Variants in HMGXB3 observed in about 807,000 individuals in gnomAD.
HMGXB3 encodes HMG-box containing 3, also known as HMG domain-containing protein 3.
HMGXB3 carries 45 observed loss-of-function variants against 121.5 expected under a neutral mutation model. That is an observed-to-expected ratio of 0.37 (90% CI 0.29 to 0.47). HMGXB3 has a LOEUF of 0.47. Among genes scored for constraint, HMGXB3 ranks in the 20% least tolerant of loss-of-function variants. HMGXB3 has a pLI of 0.99. For synonymous variants in HMGXB3, 590 were observed against 624.1 expected, an observed-to-expected ratio of 0.95 and a Z score of 0.81; for missense variants, 1,376 against 1,602.2, an observed-to-expected ratio of 0.86 and a Z score of 2.41.
chr5:150,025,815 C>T (rs542153640), intron 7 of HMGXB3, among the ~76,000 whole-genome samples: 8 of 152,002 alleles, frequency 5.3e-5, no homozygotes, highest in African/African-American at 9.7e-5. Flanking sequence ...TCAGGTGATC[C>T]GCCCGCCTTG....
chr5:150,017,413 C>G (rs1244547516), intron 5 of HMGXB3, among the ~76,000 whole-genome samples: 1 of 152,206 alleles, frequency 6.6e-6, no homozygotes, highest in Non-Finnish European at 1.5e-5. Context: ...TTTCTTATCT[C>G]ACTTTCTCAG....
At chr5:150,011,604 G>GTTT (rs35010665) in intron 4 of HMGXB3, among the ~76,000 whole-genome samples, 4 of 132,660 alleles carry the variant, frequency 3.0e-5, no homozygotes, top group Non-Finnish European at 6.5e-5. Context: ...TTTTTTTTTG[G>GTTT]TTTTTTTTTT....
At chr5:150,040,350 G>A (rs1561881193) in intron 13 of HMGXB3, among the ~76,000 whole-genome samples, 1 of 152,106 alleles carries the variant, frequency 6.6e-6, no homozygotes, top group African/African-American at 2.4e-5. Flanking sequence ...TTTCCCTATT[G>A]ATGGGCATTT....
chr5:150,021,243 C>T (rs1756085265), intron 6 of HMGXB3, among the ~76,000 whole-genome samples: 2 of 152,164 alleles, frequency 1.3e-5, no homozygotes. Context: ...TAACATTTTA[C>T]CATCAGTGCA....
chr5:150,024,595 A>G lies in HMGXB3; in HGVS notation c.1375A>G (p.Asn459Asp). 1 of 1,551,762 alleles carries G rather than the reference A, an allele frequency of 6.4e-7. No individual in the cohort carries two copies. Among genetic ancestry groups the G allele is most frequent in the Non-Finnish European group, 8.7e-7 (1 of 1,147,002 alleles). Residue 459 changes from asparagine to aspartate, a missense_variant, in exon 7 of 20, where the codon AAT becomes GAT. Coordinates refer to ENST00000502717, the MANE Select transcript of HMGXB3 (RefSeq NM_014983.3). ...TGAGGTCACTCTGGGGACAACTGAC[A>G]ATGACAGTCCTGGAGCAGACGTACC... Reference protein sequence around the residue: ...QPEVTLGTTDNDSPGADVPTP... With the variant: ...QPEVTLGTTDDDSPGADVPTP...
At chr5:150,019,758 C>T (rs887763391) in intron 6 of HMGXB3, among the ~76,000 whole-genome samples, 3 of 152,176 alleles carry the variant, frequency 2.0e-5, no homozygotes, top group Non-Finnish European at 4.4e-5. Context: ...ACATGTTTAA[C>T]TCAGCATGGT....
In HMGXB3 at chr5:150,052,289, T is replaced by C; in HGVS notation, c.*97T>C. On this transcript the variant is annotated 3_prime_UTR_variant, in exon 20 of 20. Coordinates refer to ENST00000502717, the MANE Select transcript of HMGXB3 (RefSeq NM_014983.3). The stretch of plus-strand genomic sequence containing the variant: ...CAGGGGACCTGCAGAAGTGGTCTCC[T>C]GTGGGGAGGGCCTCTGACTGCTGGG... 1.0e-6 allele frequency: 1 copy of C among 975,766 alleles called. No individual in the cohort carries two copies. Among genetic ancestry groups the C allele is most frequent in the East Asian group, 2.6e-5 (1 of 37,976 alleles). 60.4% of individuals were successfully genotyped at this position (975,766 alleles called of 1,614,324 possible).
intron 1 of HMGXB3, among the ~76,000 whole-genome samples, chr5:150,001,811 G>A (rs1561843148): frequency 6.6e-6 from 1 of 152,182 alleles, no homozygotes; most frequent in Non-Finnish European, 1.5e-5. Context: ...TGTAATGAGT[G>A]TTTCCTAACC....
chr5:150,020,271 T>A (rs1234819460), intron 6 of HMGXB3, among the ~76,000 whole-genome samples: 1 of 152,228 alleles, frequency 6.6e-6, no homozygotes, highest in Non-Finnish European at 1.5e-5. Flanking sequence ...GGGGGTTTTG[T>A]CTAAGGCTCT....
intron 10 of HMGXB3, among the ~76,000 whole-genome samples, 192 bp downstream of exon 10, chr5:150,031,031 T>A (rs1756363958): frequency 6.6e-6 from 1 of 152,208 alleles, no homozygotes; most frequent in Non-Finnish European, 1.5e-5. Context: ...CTGGGTTGTT[T>A]TGGTCTCTTT....
intron 6 of HMGXB3, among the ~76,000 whole-genome samples, chr5:150,022,294 C>T (rs1352068437): frequency 6.6e-6 from 1 of 152,176 alleles, no homozygotes; most frequent in Admixed American, 6.5e-5. Flanking sequence ...AAATGACTCA[C>T]CTTTTGTTGT....
At chr5:150,047,889 T>G (rs1205636643) in intron 17 of HMGXB3, 132 bp downstream of exon 17, 1 of 940,778 alleles carries the variant, frequency 1.1e-6, no homozygotes. Context: ...CAGGGATGCC[T>G]AGGAGATGGT....
chr5:150,052,214 T>C lies in HMGXB3; in HGVS notation c.*22T>C, dbSNP rs920400478. On this transcript the variant is annotated 3_prime_UTR_variant, in exon 20 of 20. Transcript: ENST00000502717. The stretch of plus-strand genomic sequence containing the variant: ...ATAAGCCAGGCTGTTGTACAGGGAC[T>C]ACACCATCTCTCAAGCCATAGTAAG... 8 of 1,498,698 alleles carry C rather than the reference T, an allele frequency of 5.3e-6. No individual in the cohort carries two copies. In the South Asian group the frequency reaches 8.6e-5, roughly 16 times the overall value. 92.8% of individuals were successfully genotyped at this position (1,498,698 alleles called of 1,614,324 possible).
rs770975669 is a variant in HMGXB3, at chr5:150,017,703, G to A, written c.910-863G>A. On this transcript the variant is annotated intron_variant, in intron 5 of 19. Coordinates refer to ENST00000502717, the MANE Select transcript of HMGXB3 (RefSeq NM_014983.3). ...GTGTTTCCCCAAGGAAGCTTTTTGC[G>A]TTTTGGCTGGGCTAGGGAAGCTGGG... 6.4e-4 allele frequency among the ~76,000 whole-genome samples: 98 copies of A among 152,186 alleles called. 1 individual carries two copies. Among genetic ancestry groups the A allele is most frequent in the Non-Finnish European group, 1.2e-3 (82 of 68,034 alleles).
chr5:150,015,504 T>C (rs145033061), intron 5 of HMGXB3, among the ~76,000 whole-genome samples: 1,654 of 152,240 alleles, frequency 0.011, 14 homozygotes, highest in Middle Eastern at 0.024. Flanking sequence ...CCCAGGCTGG[T>C]CTTAGAACTC....
In HMGXB3 at chr5:150,051,471, C is replaced by T. The variant is rs528828331; in HGVS notation, c.3412-254C>T. Among the ~76,000 whole-genome samples the T allele has an allele frequency of 2.0e-5, 3 of 152,356 alleles. No homozygotes were observed. The East Asian group carries it at 5.8e-4, about 29-fold the overall frequency. ...TGATCTTTCTGCTCCCCTGCAGCCA[C>T]TGGCCTGAATGGACCGGGGGCAATA... On this transcript the variant is annotated intron_variant, in intron 19 of 19. Transcript: ENST00000502717.
rs1468231266 is a variant in HMGXB3, at chr5:150,036,733, G to A, written c.2081G>A (p.Arg694His). The A allele has an allele frequency of 8.4e-6, 13 of 1,551,588 alleles. No individual in the cohort carries two copies. The highest frequency in any genetic ancestry group is 3.9e-5 in the Admixed American group (2 of 50,996). ...IQRQSTLQLL[R>H]KVLQIPENES... is the part of the protein sequence containing the mutation. ...CGCCAGTCCACACTGCAGCTGCTGCGCAAAGTCCTGCAGATTCCTGAGAAT... is the reference window on the plus strand; with the variant it reads ...CGCCAGTCCACACTGCAGCTGCTGCACAAAGTCCTGCAGATTCCTGAGAAT... The change falls in exon 12 of 20, where the codon CGC becomes CAC. Residue 694 changes from arginine (R) to histidine (H), a missense_variant. By Grantham distance (29) the Arg-to-His change is conservative (BLOSUM62 0). This residue lies in a region of HMGXB3 where 1,116 missense variants were observed against 1,369.0 expected (regional missense o/e 0.82). Transcript: ENST00000502717.
chr5:150,047,486 C>A, intron 16 of HMGXB3, 138 bp from the exon 17 acceptor site: 1 of 969,734 alleles, frequency 1.0e-6, no homozygotes, highest in Non-Finnish European at 1.5e-6. Flanking sequence ...GTGGACCTGA[C>A]TTGAGTTCCA....
At chr5:150,037,320 C>G (rs1756522795) in intron 12 of HMGXB3, 80 bp from the exon 13 acceptor site, 1 of 1,322,404 alleles carries the variant, frequency 7.6e-7, no homozygotes, top group African/African-American at 1.5e-5. Context: ...GAGAATTTGC[C>G]ATTGATCACT....
Sources: gnomAD v4.1 joint callset for allele counts (sites outside exome capture counted in the v4.1 genomes callset) on GRCh38, gnomAD v4.1.1 for gene constraint, gnomAD v4.1.1 regional missense constraint, MANE v1.5 for transcripts, NCBI Gene and HGNC (gene_info 2026-07-23, HGNC 2026-07-21) for gene names.